DAB1: variants seen among roughly 807,000 people sequenced by gnomAD.
DAB1 encodes the protein DAB adaptor protein 1, also known as disabled homolog 1.
In DAB1, 15 loss-of-function variants were observed where a neutral mutation model predicts 64.6. That is an observed-to-expected ratio of 0.23 (90% confidence interval 0.16 to 0.36). DAB1 has a LOEUF of 0.36. Among genes scored for constraint, DAB1 ranks in the 10% least tolerant of loss-of-function variants. The pLI is 1.00. For synonymous variants in DAB1, 235 were observed against 251.9 expected (o/e 0.93, Z 0.64); for missense variants, 596 against 706.7 (o/e 0.84, Z 1.78).
chr1:57,108,690 T>C (rs1409528602), intron 4 of DAB1, among the ~76,000 whole-genome samples: 2 of 152,220 alleles, frequency 1.3e-5, no homozygotes, highest in Non-Finnish European at 2.9e-5. Context: ...GAGAGTGGAC[T>C]GTGGAGTGAG....
At chr1:57,667,421 T>C (rs7527814) in intron 6 of DAB1, among the ~76,000 whole-genome samples, 121,524 of 151,968 alleles carry the variant, frequency 0.8, 48,833 homozygotes, top group Non-Finnish European at 0.84. Context: ...CTTAATAATA[T>C]CTGACATATT....
Position 57,157,238 on chromosome 1 carries a change from T to C in DAB1, c.68-11809A>G, listed in dbSNP as rs1569642010. On this transcript the variant is annotated intron_variant, in intron 2 of 14. Coordinates refer to ENST00000371236, the MANE Select transcript of DAB1 (RefSeq NM_001365792.1). ...TTTCCTAATGTGGTCATTCTGGCTG[T>C]GAATTCTTTTAACTTTTGACAGTTA... Among the ~76,000 whole-genome samples, 6 of 152,342 alleles carry C rather than the reference T, an allele frequency of 3.9e-5. No homozygotes were observed. The East Asian group carries it at 1.2e-3, about 29-fold the overall frequency.
At chr1:58,405,758 G>A (rs967729583) in intron 3 of DAB1, among the ~76,000 whole-genome samples, 5 of 152,334 alleles carry the variant, frequency 3.3e-5, no homozygotes, top group East Asian at 3.9e-4. Flanking sequence ...GAATGAGTGC[G>A]TGAGTGGACA....
chr1:57,894,013 A>T (rs1311225683), intron 5 of DAB1, among the ~76,000 whole-genome samples: 1 of 152,052 alleles, frequency 6.6e-6, no homozygotes, highest in Non-Finnish European at 1.5e-5. Context: ...CAGTAAACAC[A>T]CTGTGCATGC....
intron 2 of DAB1, among the ~76,000 whole-genome samples, chr1:57,237,775 G>A (rs1054696448): frequency 2.0e-5 from 3 of 152,204 alleles, no homozygotes; most frequent in East Asian, 1.9e-4. Flanking sequence ...GATTCTGAGA[G>A]GTTTGCACTT....
At chr1:57,229,705 G>C (rs1224237633) in intron 2 of DAB1, among the ~76,000 whole-genome samples, 2 of 152,152 alleles carry the variant, frequency 1.3e-5, no homozygotes, top group Non-Finnish European at 2.9e-5. Flanking sequence ...CAACATTCTG[G>C]TGGCCATCTG....
In DAB1 at chr1:57,439,418, G is replaced by GTTTTTT; in HGVS notation, n.626-148258_626-148253dup. Among the ~76,000 whole-genome samples the GTTTTTT allele has an allele frequency of 1.0e-3, 121 of 116,090 alleles. 4 individuals are homozygous for GTTTTTT. The highest frequency in any genetic ancestry group is 1.6e-3 in the South Asian group (5 of 3,088). 76.2% of individuals were successfully genotyped at this position (116,090 alleles called of 152,430 possible). ...GCCATGCCATCAACTTGGTGATGAG[G>GTTTTTT]TTTTTTCTTTTTTTTTTTTTTTTTT... On this transcript the variant is annotated intron_variant and non_coding_transcript_variant, in intron 7 of 20. Coordinates refer to the DAB1 transcript ENST00000485760.
intron 1 of DAB1, among the ~76,000 whole-genome samples, chr1:57,391,105 A>C (rs75722910): frequency 0.015 from 2,217 of 152,286 alleles, 52 homozygotes; most frequent in African/African-American, 0.05. Context: ...TCCCCTACCC[A>C]CAGCCAAAGT....
At chr1:58,381,597 G>C (rs751608482) in intron 3 of DAB1, among the ~76,000 whole-genome samples, 22 of 152,192 alleles carry the variant, frequency 1.4e-4, no homozygotes, top group Non-Finnish European at 2.4e-4. Flanking sequence ...ATGGTGAAAT[G>C]TACTCAGATT....
intron 6 of DAB1, among the ~76,000 whole-genome samples, chr1:57,663,220 A>G (rs907917624): frequency 1.3e-5 from 2 of 152,124 alleles, no homozygotes; most frequent in Admixed American, 6.5e-5. Flanking sequence ...CACACTTTCA[A>G]ATAACCAGAT....
intron 9 of DAB1, among the ~76,000 whole-genome samples, chr1:57,062,106 C>T (rs948506200): frequency 3.9e-5 from 6 of 152,116 alleles, no homozygotes; most frequent in African/African-American, 1.2e-4. Flanking sequence ...ATATGAGTTC[C>T]GGGCACTTCA....
rs115321469 is a variant in DAB1 at position 57,199,699 on chromosome 1, C to T, written c.68-54270G>A. On this transcript the variant is annotated intron_variant, in intron 2 of 14. Transcript: ENST00000371236. ...CAGCATGAAAAGTCAAGATGATGGG[C>T]GTTGAAGTCAGAAGTCCGAGGCCCA... Among the ~76,000 whole-genome samples the T allele has an allele frequency of 2.3e-3, 355 of 152,238 alleles. 3 individuals carry two copies. The highest frequency in any genetic ancestry group is 8.3e-3 in the African/African-American group (343 of 41,552).
intron 4 of DAB1, among the ~76,000 whole-genome samples, chr1:58,227,698 G>A (rs955234780): frequency 1.3e-5 from 2 of 152,158 alleles, no homozygotes; most frequent in Non-Finnish European, 2.9e-5. Flanking sequence ...GGAAGGCAGG[G>A]AGAAGTAGGT....
rs1297289023 is a variant in DAB1 at position 58,049,085 on chromosome 1, A to G, written n.387+101426T>C. 4 of 797,406 alleles carry G rather than the reference A, an allele frequency of 5.0e-6. No individual in the cohort carries two copies. The Admixed American group carries it at 6.8e-5, about 14-fold the overall frequency. The allele number at this position is 797,406 out of a possible 1,614,324, so 49.4% of individuals were successfully genotyped here. On this transcript the variant is annotated intron_variant and non_coding_transcript_variant, in intron 5 of 20. Transcript: ENST00000485760. Reference sequence around the variant, plus strand: ...TGTGTGGCCTTGCATTTGTGGCTGCATCCACCTCCTCCACAGTGGCATATG... The same window carrying G: ...TGTGTGGCCTTGCATTTGTGGCTGCGTCCACCTCCTCCACAGTGGCATATG...
At chr1:57,248,981 C>T (rs1223471286) in intron 2 of DAB1, among the ~76,000 whole-genome samples, 1 of 152,152 alleles carries the variant, frequency 6.6e-6, no homozygotes, top group Non-Finnish European at 1.5e-5. Flanking sequence ...GCCCCTCAAA[C>T]AAGACAGGCA....
chr1:58,435,104 T>C (rs1196045247), intron 3 of DAB1, among the ~76,000 whole-genome samples: 1 of 152,204 alleles, frequency 6.6e-6, no homozygotes, highest in East Asian at 1.9e-4. Flanking sequence ...CCTTTACTGG[T>C]TGACTTCAGA....
At chr1:57,838,747 A>G (rs963709478) in intron 1 of DAB1, among the ~76,000 whole-genome samples, 1 of 150,764 alleles carries the variant, frequency 6.6e-6, no homozygotes, top group Non-Finnish European at 1.5e-5. Context: ...TTAGGTAAAC[A>G]TAACTTATTT....
chr1:58,280,888 CTTACT>C (rs1661544561), intron 4 of DAB1, among the ~76,000 whole-genome samples: 1 of 152,104 alleles, frequency 6.6e-6, no homozygotes, highest in Non-Finnish European at 1.5e-5. Flanking sequence ...TTAAGGTGAT[CTTACT>C]TTAGAGACCG....
intron 5 of DAB1, among the ~76,000 whole-genome samples, chr1:58,024,639 T>C (rs1234831638): frequency 6.6e-6 from 1 of 152,218 alleles, no homozygotes; most frequent in African/African-American, 2.4e-5. Flanking sequence ...TGATGGTTAA[T>C]TTTATGTGTC....
Sources: gnomAD v4.1 joint callset for allele counts (sites outside exome capture counted in the v4.1 genomes callset) on GRCh38, gnomAD v4.1.1 for gene constraint, MANE v1.5 for transcripts, NCBI Gene and HGNC (gene_info 2026-07-23, HGNC 2026-07-21) for gene names.